Variants in DCAF5 observed in about 807,000 individuals in gnomAD.
The protein encoded by DCAF5 is DDB1- and CUL4-associated factor 5.
A neutral mutation model predicts 80.7 loss-of-function variants in DCAF5; 9 were observed. The observed-to-expected ratio is 0.11, with a 90% CI of 0.07 to 0.19. The LOEUF is 0.19. DCAF5 is among the 10% of genes least tolerant of loss of function. The probability of loss-of-function intolerance (pLI) is 1.00; values close to 1 mark genes in which losing one functional copy is unlikely to be tolerated. For missense variants in DCAF5, 842 were observed against 1,205.7 expected, an observed-to-expected ratio of 0.70 and a Z score of 4.47; for synonymous variants, 433 against 461.9, an observed-to-expected ratio of 0.94 and a Z score of 0.80.
At chr14:69,128,844 C>T (rs1336843843) in intron 1 of DCAF5, among the ~76,000 whole-genome samples, 2 of 151,678 alleles carry the variant, frequency 1.3e-5, no homozygotes, top group African/African-American at 2.4e-5. Flanking sequence ...TTAGGGAGGT[C>T]GAGGTGGGAG....
At chr14:69,140,890 G>A (rs1213685994) in intron 1 of DCAF5, among the ~76,000 whole-genome samples, 1 of 152,016 alleles carries the variant, frequency 6.6e-6, no homozygotes, top group Non-Finnish European at 1.5e-5. Flanking sequence ...GCTGAGGCGG[G>A]CAGATCACCC....
intron 6 of DCAF5, chr14:69,090,944 C>T (rs2039510218): frequency 1.6e-6 from 1 of 612,662 alleles, no homozygotes; most frequent in Non-Finnish European, 2.9e-6. Flanking sequence ...ATTTGTCTTT[C>T]TTCCCATTTG....
intron 5 of DCAF5, among the ~76,000 whole-genome samples, chr14:69,099,685 G>C (rs138249498): frequency 0.013 from 2,028 of 152,278 alleles, 19 homozygotes; most frequent in Non-Finnish European, 0.018. Context: ...GTTCATGCCT[G>C]TAATCCCAAC....
intron 7 of DCAF5, among the ~76,000 whole-genome samples, chr14:69,064,799 T>C (rs775207467): frequency 6.6e-6 from 1 of 152,208 alleles, no homozygotes; most frequent in Non-Finnish European, 1.5e-5. Context: ...TACTCTTGCA[T>C]ACCTAGAACC....
At chr14:69,095,229 T>TTGGC (rs2139981392) in intron 5 of DCAF5, among the ~76,000 whole-genome samples, 1 of 152,338 alleles carries the variant, frequency 6.6e-6, no homozygotes, top group South Asian at 2.1e-4. Flanking sequence ...ATAATGAAAA[T>TTGGC]GCCACTGTCT....
Position 69,152,647 on chromosome 14 carries a change from G to T in DCAF5, c.214+118C>A. 1.4e-6 allele frequency: 1 copy of T among 710,046 alleles called. No individual in the cohort carries two copies. The highest frequency in any genetic ancestry group is 2.8e-5 in the East Asian group (1 of 36,346). 44.0% of individuals were successfully genotyped at this position (710,046 alleles called of 1,614,324 possible). On this transcript the variant is annotated intron_variant, in intron 1 of 8. Transcript: ENST00000341516. The surrounding 1 kb of genome is among the most constrained non-coding windows in gnomAD (Gnocchi z 4.1). ...ACACCAAACCTTCCCACCGCAGAAG[G>T]GGGTAGAGAAAGGGAGGGGGTGGGG...
chr14:69,123,596 T>C (rs949817942), intron 1 of DCAF5, among the ~76,000 whole-genome samples: 1 of 152,238 alleles, frequency 6.6e-6, no homozygotes, highest in Non-Finnish European at 1.5e-5. Context: ...ATTTGTGCTG[T>C]TGTACAGCCA....
Position 69,152,684 on chromosome 14 carries a change from G to A in DCAF5, c.214+81C>T. On this transcript the variant is annotated intron_variant, in intron 1 of 8. Transcript: ENST00000341516. This position sits in a 1 kb window ranked among gnomAD's most constrained non-coding sequence, Gnocchi z 4.1. ...GGGAGGGGGTGGGGACAGAGGGCAG[G>A]AGGAGGGTGACGGGGGAGAGCGAGA... 1 of 1,064,932 alleles carries A rather than the reference G, an allele frequency of 9.4e-7. No homozygotes were observed. The highest frequency in any genetic ancestry group is 1.6e-5 in the African/African-American group (1 of 64,342). 66.0% of individuals were successfully genotyped at this position (1,064,932 alleles called of 1,614,324 possible).
At chr14:69,107,785 T>C (rs2040215587) in intron 5 of DCAF5, among the ~76,000 whole-genome samples, 1 of 152,202 alleles carries the variant, frequency 6.6e-6, no homozygotes, top group Non-Finnish European at 1.5e-5. Context: ...TATAGAAAGT[T>C]AGCTTTGAAA....
chr14:69,136,464 A>G (rs1459942366), intron 1 of DCAF5, among the ~76,000 whole-genome samples: 1 of 152,154 alleles, frequency 6.6e-6, no homozygotes, highest in African/African-American at 2.4e-5. Context: ...TGCAAGATTA[A>G]ATGTGAATGC....
intron 2 of DCAF5, among the ~76,000 whole-genome samples, chr14:69,121,064 A>C (rs1291857568): frequency 6.6e-6 from 1 of 152,202 alleles, no homozygotes; most frequent in Non-Finnish European, 1.5e-5. Flanking sequence ...AAAAGGCACA[A>C]GGGCAAAATA....
chr14:69,076,168 C>T (rs1242727569), intron 6 of DCAF5, among the ~76,000 whole-genome samples: 1 of 151,324 alleles, frequency 6.6e-6, no homozygotes, highest in Non-Finnish European at 1.5e-5. Flanking sequence ...AAAGTGAGAA[C>T]CCTTGTGCAT....
intron 1 of DCAF5, among the ~76,000 whole-genome samples, chr14:69,150,036 T>G (rs1449087169): frequency 6.6e-6 from 1 of 152,238 alleles, no homozygotes; most frequent in African/African-American, 2.4e-5. Flanking sequence ...CAGGAGGAAC[T>G]TTCTGTTAAC....
At chr14:69,108,315 A>G (rs892576138) in intron 5 of DCAF5, among the ~76,000 whole-genome samples, 5 of 152,216 alleles carry the variant, frequency 3.3e-5, no homozygotes, top group Non-Finnish European at 5.9e-5. Flanking sequence ...ATGGATTACC[A>G]TTTGATCTTG....
chr14:69,090,695 T>C (rs1410170574), intron 6 of DCAF5: 1 of 156,860 alleles, frequency 6.4e-6, no homozygotes, highest in Non-Finnish European at 1.4e-5. Flanking sequence ...TCAAAGAAAT[T>C]TTTCTTTTAT....
At chr14:69,126,597 T>TA (rs1205087019) in intron 1 of DCAF5, among the ~76,000 whole-genome samples, 3 of 152,224 alleles carry the variant, frequency 2.0e-5, no homozygotes, top group Non-Finnish European at 4.4e-5. Context: ...AAAAGGCCCA[T>TA]AATAGTCAAC....
At chr14:69,079,003 C>G (rs2039001398) in intron 6 of DCAF5, among the ~76,000 whole-genome samples, 1 of 152,160 alleles carries the variant, frequency 6.6e-6, no homozygotes, top group African/African-American at 2.4e-5. Context: ...GCTGGGACTA[C>G]AGGCGGGCAC....
At position 69,152,989 on chromosome 14, in the gene DCAF5, C is replaced by CCGCCGCCGCCGCTCG. The variant is rs770504201; in HGVS notation, c.-26_-12dup. 1.7e-5 allele frequency: 27 copies of CCGCCGCCGCCGCTCG among 1,547,430 alleles called. No individual in the cohort carries two copies. Among genetic ancestry groups the CCGCCGCCGCCGCTCG allele is most frequent in the East Asian group, 5.0e-5 (2 of 39,864 alleles). ...AGCTCTCCTCTTCATGCTGGAACCG[C>CCGCCGCCGCCGCTCG]CGCCGCCGCCGCTCGCGCCGCCGCC... On this transcript the variant is annotated 5_prime_UTR_variant, in exon 1 of 9. Transcript: ENST00000341516. This position sits in a 1 kb window ranked among gnomAD's most constrained non-coding sequence, Gnocchi z 4.1.
chr14:69,056,232 C>T (rs1356614642), intron 8 of DCAF5, among the ~76,000 whole-genome samples: 1 of 152,210 alleles, frequency 6.6e-6, no homozygotes, highest in Non-Finnish European at 1.5e-5. Context: ...GACATACAGG[C>T]ACTAGTTACC....
Sources: allele counts gnomAD v4.1 joint callset (sites outside exome capture counted in the v4.1 genomes callset), GRCh38; gene constraint gnomAD v4.1.1; non-coding constraint Gnocchi (gnomAD v3.1); transcripts MANE v1.5; gene names NCBI Gene and HGNC (gene_info 2026-07-23, HGNC 2026-07-21).